The following ADAMTSL3 variants were observed in gnomAD, a reference collection of about 807,000 sequenced individuals.
ADAMTSL3 encodes ADAMTS like 3.
In ADAMTSL3, 128 loss-of-function variants were observed where a neutral mutation model predicts 201.7. The ratio of observed to expected loss-of-function variants is 0.63; its 90% CI spans 0.55 to 0.73. The LOEUF is 0.73. ADAMTSL3 is among the 30% of genes least tolerant of loss of function. ADAMTSL3 has a pLI of 0.00. For synonymous variants in ADAMTSL3, 738 were observed against 748.4 expected (o/e 0.99, Z 0.23); for missense variants, 1,990 against 2,119.6 (o/e 0.94, Z 1.20).
At chr15:83,960,405 G>A (rs1030845136) in intron 19 of ADAMTSL3, among the ~76,000 whole-genome samples, 1 of 152,106 alleles carries the variant, frequency 6.6e-6, no homozygotes, top group Non-Finnish European at 1.5e-5. Context: ...TTCCTCAGGC[G>A]CCGAGCAGGG....
At chr15:83,809,968 A>T (rs997528098) in intron 5 of ADAMTSL3, among the ~76,000 whole-genome samples, 1 of 152,082 alleles carries the variant, frequency 6.6e-6, no homozygotes, top group African/African-American at 2.4e-5. Context: ...CCCGAGTTCT[A>T]TGGGAGTAGA....
At chr15:83,835,690 G>T (rs759140277) in intron 6 of ADAMTSL3, among the ~76,000 whole-genome samples, 1 of 152,220 alleles carries the variant, frequency 6.6e-6, no homozygotes, top group South Asian at 2.1e-4. Context: ...GGAGAAAGTT[G>T]CATGAACACA....
chr15:83,879,039 C>G (rs7175716), intron 9 of ADAMTSL3, among the ~76,000 whole-genome samples: 5,393 of 152,220 alleles, frequency 0.035, 304 homozygotes, highest in African/African-American at 0.12. Context: ...TTTTAAAAAG[C>G]TATTGGCATA....
chr15:83,976,418 C>T (rs757407167), intron 20 of ADAMTSL3, among the ~76,000 whole-genome samples: 24 of 151,858 alleles, frequency 1.6e-4, no homozygotes, highest in Admixed American at 6.6e-5. Context: ...ACGGACCAGT[C>T]GTAGGGGATG....
intron 3 of ADAMTSL3, among the ~76,000 whole-genome samples, chr15:83,707,085 A>G (rs2061863616): frequency 6.6e-6 from 1 of 152,212 alleles, no homozygotes; most frequent in Non-Finnish European, 1.5e-5. Flanking sequence ...ATGACAAAAC[A>G]TTAAGATCAA....
chr15:83,886,838 A>G (rs2065401879), intron 10 of ADAMTSL3, among the ~76,000 whole-genome samples: 1 of 152,202 alleles, frequency 6.6e-6, no homozygotes, highest in South Asian at 2.1e-4. Context: ...CCCTAAAACA[A>G]CAGGGCAGGC....
intron 16 of ADAMTSL3, among the ~76,000 whole-genome samples, chr15:83,920,374 A>G (rs1359456698): frequency 6.6e-6 from 1 of 152,230 alleles, no homozygotes; most frequent in Non-Finnish European, 1.5e-5. Flanking sequence ...GCCCTTCCTA[A>G]GGCCAAATGG....
chr15:83,918,916 G>A (rs1286397707), intron 16 of ADAMTSL3, among the ~76,000 whole-genome samples: 2 of 152,126 alleles, frequency 1.3e-5, no homozygotes, highest in Admixed American at 6.5e-5. Flanking sequence ...GGTGACCATG[G>A]TAGAGATGGA....
In ADAMTSL3 at chr15:83,797,808, A is replaced by G. The variant is rs555793248; in HGVS notation, c.318-6842A>G. Among the ~76,000 whole-genome samples the G allele has an allele frequency of 6.8e-4, 104 of 152,156 alleles. 1 individual carries two copies. The highest frequency in any genetic ancestry group is 1.1e-3 in the Non-Finnish European group (76 of 68,044). ...TGATGCTGTAAACACCCAGAAGAGA[A>G]CAACCCCGCTCAGGTATATATCCCA... is the stretch of plus-strand genomic sequence containing the variant. On this transcript the variant is annotated intron_variant, in intron 4 of 29. Transcript: ENST00000286744.
intron 27 of ADAMTSL3, 134 bp from the exon 28 acceptor site, chr15:84,031,201 C>T: frequency 1.2e-6 from 1 of 821,060 alleles, no homozygotes; most frequent in Non-Finnish European, 2.0e-6. Flanking sequence ...TCCTCTTTAA[C>T]TCCCCCCTGG....
At chr15:83,776,574 G>T (rs777127398) in intron 4 of ADAMTSL3, among the ~76,000 whole-genome samples, 6 of 152,106 alleles carry the variant, frequency 3.9e-5, no homozygotes, top group Non-Finnish European at 8.8e-5. Flanking sequence ...AAAATTAGCT[G>T]GGCATGGTGG....
rs2064873566 is a variant in ADAMTSL3, at chr15:83,862,011, G to C, written c.802+3171G>C. 2.6e-5 allele frequency: 4 copies of C among 152,256 alleles called. No individual in the cohort carries two copies. In the South Asian group the frequency reaches 8.3e-4, roughly 32 times the overall value. The allele number at this position is 152,256 out of a possible 1,614,324, so 9.4% of individuals were successfully genotyped here. On this transcript the variant is annotated intron_variant, in intron 8 of 29. Coordinates refer to ENST00000286744, the MANE Select transcript of ADAMTSL3 (RefSeq NM_207517.3). Reference sequence around the variant, plus strand: ...GCCAATTCGATCAACTGGAAGAAAGGGTGTCCGTGATGGAAGATCAAATGA... The same window carrying C: ...GCCAATTCGATCAACTGGAAGAAAGCGTGTCCGTGATGGAAGATCAAATGA...
intron 28 of ADAMTSL3, among the ~76,000 whole-genome samples, chr15:84,031,890 G>A (rs2068416050): frequency 6.6e-6 from 1 of 152,180 alleles, no homozygotes; most frequent in African/African-American, 2.4e-5. Context: ...TCTTGTTGAG[G>A]AGGTTAAATA....
intron 9 of ADAMTSL3, among the ~76,000 whole-genome samples, chr15:83,882,161 A>G (rs2065285496): frequency 6.6e-6 from 1 of 152,218 alleles, no homozygotes; most frequent in Non-Finnish European, 1.5e-5. Context: ...GTGTCAAAAA[A>G]AGAAAGAAAG....
intron 2 of ADAMTSL3, among the ~76,000 whole-genome samples, chr15:83,660,209 G>A: frequency 6.6e-6 from 1 of 152,198 alleles, no homozygotes; most frequent in Non-Finnish European, 1.5e-5. Context: ...AGTGCCATTT[G>A]AGTATTGGTG....
intron 17 of ADAMTSL3, among the ~76,000 whole-genome samples, chr15:83,928,900 C>T (rs966957187): frequency 6.6e-6 from 1 of 151,842 alleles, no homozygotes; most frequent in African/African-American, 2.4e-5. Context: ...GGTTTTTGTT[C>T]TCTGATAATA....
chr15:84,030,659 T>C (rs757222995), intron 27 of ADAMTSL3, among the ~76,000 whole-genome samples: 3 of 152,214 alleles, frequency 2.0e-5, no homozygotes, highest in Non-Finnish European at 4.4e-5. Context: ...AATTAAGACT[T>C]TGGGGGACTG....
intron 23 of ADAMTSL3, among the ~76,000 whole-genome samples, chr15:83,999,600 T>C (rs1304471665): frequency 6.6e-6 from 1 of 152,164 alleles, no homozygotes; most frequent in Non-Finnish European, 1.5e-5. Flanking sequence ...GTTTCCTGAT[T>C]AATTCCACAC....
chr15:83,840,460 G>A (rs2064351516), intron 7 of ADAMTSL3, among the ~76,000 whole-genome samples: 1 of 152,206 alleles, frequency 6.6e-6, no homozygotes, highest in South Asian at 2.1e-4. Context: ...AGGACAAGAG[G>A]AGGGGAACAG....
Sources: gnomAD v4.1 joint callset for allele counts (sites outside exome capture counted in the v4.1 genomes callset) on GRCh38, gnomAD v4.1.1 for gene constraint, MANE v1.5 for transcripts, NCBI Gene and HGNC (gene_info 2026-07-23, HGNC 2026-07-21) for gene names.